The following RNF150 variants were observed in gnomAD, a reference collection of about 807,000 sequenced individuals.
RNF150 encodes ring finger protein 150.
RNF150 carries 24 observed loss-of-function variants against 39.3 expected under a neutral mutation model. That is an observed-to-expected ratio of 0.61 (90% confidence interval 0.44 to 0.86). The LOEUF (loss-of-function observed/expected upper bound fraction) is 0.86, where lower values mean the gene tolerates loss of function less well. RNF150 is among the 40% of genes least tolerant of loss of function. RNF150 has a pLI of 0.00. For synonymous variants in RNF150, 255 were observed against 227.3 expected (o/e 1.12, Z -1.10); for missense variants, 502 against 587.8 (o/e 0.85, Z 1.51).
chr4:140,871,000 C>CTA (rs1347147417), intron 6 of RNF150, among the ~76,000 whole-genome samples: 74 of 144,630 alleles, frequency 5.1e-4, no homozygotes, highest in East Asian at 4.8e-3. Flanking sequence ...CTCTCTCTCT[C>CTA]TCTATATATA....
At chr4:140,986,353 T>A (rs1236948070) in intron 1 of RNF150, among the ~76,000 whole-genome samples, 1 of 152,112 alleles carries the variant, frequency 6.6e-6, no homozygotes, top group African/African-American at 2.4e-5. Flanking sequence ...AGTCTCAGCC[T>A]GGCTAGGTGA....
intron 4 of RNF150, among the ~76,000 whole-genome samples, chr4:140,932,297 T>C (rs1317624382): frequency 1.3e-5 from 2 of 152,236 alleles, no homozygotes; most frequent in Non-Finnish European, 2.9e-5. Context: ...CTGACATTAA[T>C]GTCAGTAATT....
At chr4:141,169,311 C>A (rs982279169) in intron 1 of RNF150, among the ~76,000 whole-genome samples, 5 of 152,116 alleles carry the variant, frequency 3.3e-5, no homozygotes, top group Non-Finnish European at 7.4e-5. Context: ...TTGTAAGTTT[C>A]CTGAGGCCTC....
rs185896332 is a variant in RNF150 at position 141,141,603 on chromosome 4, C to T, written c.-6+71191G>A. On this transcript the variant is annotated intron_variant, in intron 1 of 7. Coordinates refer to the RNF150 transcript ENST00000420921. ...ATCACTCGAGGCCAGGATTTCAAGACCAGCCTGCCAAACATGGCACATCCC... is the reference window on the plus strand; with the variant it reads ...ATCACTCGAGGCCAGGATTTCAAGATCAGCCTGCCAAACATGGCACATCCC... Among the ~76,000 whole-genome samples the T allele has an allele frequency of 9.8e-5, 15 of 152,322 alleles. 1 individual carries two copies. The highest frequency in any genetic ancestry group is 8.5e-4 in the Admixed American group (13 of 15,296).
intron 1 of RNF150, among the ~76,000 whole-genome samples, chr4:141,157,780 C>G (rs192870308): frequency 6.6e-6 from 1 of 152,246 alleles, no homozygotes; most frequent in Admixed American, 6.5e-5. Context: ...CATATAGAAA[C>G]AAGGCTTCTA....
At chr4:141,165,912 T>C (rs936755978) in intron 1 of RNF150, among the ~76,000 whole-genome samples, 1 of 151,628 alleles carries the variant, frequency 6.6e-6, no homozygotes, top group Admixed American at 6.6e-5. Context: ...AGCAAAGAAA[T>C]GCAAAAGCTA....
intron 1 of RNF150, among the ~76,000 whole-genome samples, chr4:141,052,486 C>T: frequency 6.6e-6 from 1 of 152,140 alleles, no homozygotes; most frequent in South Asian, 2.1e-4. Flanking sequence ...CACAATTCTC[C>T]TGCCTCAGCT....
At chr4:141,034,112 G>A (rs1309287030) in intron 1 of RNF150, among the ~76,000 whole-genome samples, 1 of 152,148 alleles carries the variant, frequency 6.6e-6, no homozygotes, top group East Asian at 1.9e-4. Context: ...TGTTTCATCT[G>A]CATTTAAAAT....
intron 5 of RNF150, among the ~76,000 whole-genome samples, chr4:140,924,118 T>A (rs1390726777): frequency 1.3e-5 from 2 of 152,096 alleles, no homozygotes; most frequent in African/African-American, 4.8e-5. Context: ...ACTTAAAGTA[T>A]AATTAAAAAA....
intron 1 of RNF150, among the ~76,000 whole-genome samples, chr4:141,029,564 G>C (rs961372452): frequency 2.0e-5 from 3 of 152,146 alleles, no homozygotes; most frequent in Admixed American, 1.3e-4. Context: ...ATTGTTATGG[G>C]TTTTATGGGA....
chr4:141,024,061 T>A (rs928301141), intron 1 of RNF150, among the ~76,000 whole-genome samples: 25 of 152,156 alleles, frequency 1.6e-4, no homozygotes, highest in African/African-American at 5.8e-4. Context: ...AACTAAAAAC[T>A]GAATGAGGCT....
intron 1 of RNF150, among the ~76,000 whole-genome samples, chr4:141,186,331 G>A (rs1306228944): frequency 6.6e-6 from 1 of 152,186 alleles, no homozygotes; most frequent in African/African-American, 2.4e-5. Flanking sequence ...GGTGTTCATA[G>A]TATTCTCTGA....
At chr4:141,109,510 A>C (rs145991974) in intron 1 of RNF150, among the ~76,000 whole-genome samples, 80 of 152,208 alleles carry the variant, frequency 5.3e-4, no homozygotes, top group African/African-American at 1.8e-3. Flanking sequence ...TACAGACAAA[A>C]AAGCAATCAG....
intron 1 of RNF150, among the ~76,000 whole-genome samples, chr4:141,076,657 G>C (rs1472087563): frequency 6.6e-6 from 1 of 151,536 alleles, no homozygotes; most frequent in Admixed American, 6.6e-5. Flanking sequence ...ATAAAAGATG[G>C]TCATTCCTGA....
chr4:140,973,856 G>A (rs1733558952), intron 1 of RNF150, among the ~76,000 whole-genome samples: 1 of 137,626 alleles, frequency 7.3e-6, no homozygotes, highest in African/African-American at 2.7e-5. Context: ...TAGCCTGGGT[G>A]ACAAGTGAGA....
intron 1 of RNF150, among the ~76,000 whole-genome samples, chr4:141,149,631 T>G (rs1727264224): frequency 6.6e-6 from 1 of 152,224 alleles, no homozygotes; most frequent in Non-Finnish European, 1.5e-5. Context: ...CTTTATCCAC[T>G]CACTGATTGA....
intron 1 of RNF150, among the ~76,000 whole-genome samples, chr4:141,081,152 G>C (rs923075608): frequency 7.2e-5 from 11 of 152,250 alleles, no homozygotes; most frequent in East Asian, 1.9e-4. Flanking sequence ...CCAGGGCTAA[G>C]GACATGTCTG....
intron 1 of RNF150, chr4:141,053,747 A>C: frequency 7.5e-7 from 1 of 1,340,898 alleles, no homozygotes; most frequent in African/African-American, 1.5e-5. Context: ...AACAACGATA[A>C]AAATGAAAAA....
intron 1 of RNF150, among the ~76,000 whole-genome samples, chr4:141,072,926 A>T (rs192358320): frequency 2.0e-5 from 3 of 152,178 alleles, no homozygotes; most frequent in African/African-American, 7.2e-5. Flanking sequence ...TCTACACTGG[A>T]AATTCCCACC....
Sources: allele counts gnomAD v4.1 joint callset (sites outside exome capture counted in the v4.1 genomes callset), GRCh38; gene constraint gnomAD v4.1.1; transcripts MANE v1.5; gene names NCBI Gene and HGNC (gene_info 2026-07-23, HGNC 2026-07-21).